Variants in PTPDC1 observed in about 807,000 individuals in gnomAD.
PTPDC1 encodes the protein protein tyrosine phosphatase domain-containing protein 1.
Under a neutral mutation model 75.3 loss-of-function variants are expected in PTPDC1, and 53 were observed. The ratio of observed to expected loss-of-function variants is 0.70; its 90% confidence interval spans 0.56 to 0.88. PTPDC1 has a LOEUF of 0.88. Among genes scored for constraint, PTPDC1 ranks in the 40% least tolerant of loss-of-function variants. PTPDC1 has a pLI of 0.00. For synonymous variants in PTPDC1, 349 were observed against 366.2 expected (o/e 0.95, Z 0.54); for missense variants, 925 against 998.6 (o/e 0.93, Z 0.99).
chr9:94,065,420 A>G (rs1166560791), intron 2 of PTPDC1, among the ~76,000 whole-genome samples: 2 of 152,384 alleles, frequency 1.3e-5, no homozygotes, highest in East Asian at 1.9e-4. Flanking sequence ...TACCACTTGC[A>G]GTATTTTCTA....
chr9:94,078,004 C>T (rs1364912961), intron 2 of PTPDC1, among the ~76,000 whole-genome samples: 1 of 152,216 alleles, frequency 6.6e-6, no homozygotes, highest in African/African-American at 2.4e-5. Context: ...TCCCATTCCA[C>T]TTTCACCCTA....
chr9:94,075,998 T>C (rs1826672254), intron 2 of PTPDC1, among the ~76,000 whole-genome samples: 1 of 130,284 alleles, frequency 7.7e-6, no homozygotes, highest in Non-Finnish European at 1.8e-5. Context: ...GTGTGTTTTG[T>C]TTGTTTGTTT....
intron 1 of PTPDC1, among the ~76,000 whole-genome samples, chr9:94,054,373 G>A (rs1825871609): frequency 6.6e-6 from 1 of 152,144 alleles, no homozygotes; most frequent in Non-Finnish European, 1.5e-5. Flanking sequence ...ACATTCTCAA[G>A]TCATCTTTAC....
intron 1 of PTPDC1, among the ~76,000 whole-genome samples, chr9:94,046,453 G>A (rs1447298740): frequency 1.1e-4 from 17 of 152,086 alleles, no homozygotes; most frequent in Non-Finnish European, 2.2e-4. Context: ...CCATTTTCAC[G>A]ATATTGATTC....
chr9:94,105,778 A>C (rs530297968), intron 8 of PTPDC1, among the ~76,000 whole-genome samples: 9 of 151,318 alleles, frequency 5.9e-5, no homozygotes, highest in East Asian at 3.9e-4. Context: ...ACCATCCTGG[A>C]TAACATGGTG....
At chr9:94,068,600 C>A (rs763193104) in intron 2 of PTPDC1, among the ~76,000 whole-genome samples, 3 of 152,160 alleles carry the variant, frequency 2.0e-5, no homozygotes, top group Non-Finnish European at 4.4e-5. Context: ...TTTCTCCCCT[C>A]ATAGTTAATA....
upstream of PTPDC1, among the ~76,000 whole-genome samples, chr9:94,081,909 A>G (rs1490438845): frequency 1.3e-5 from 2 of 152,254 alleles, no homozygotes; most frequent in East Asian, 1.9e-4. Context: ...CAAGACAAAG[A>G]GAAGCTTTAT....
chr9:94,102,681 G>A (rs1417187828), intron 7 of PTPDC1, among the ~76,000 whole-genome samples: 1 of 152,088 alleles, frequency 6.6e-6, no homozygotes, highest in Non-Finnish European at 1.5e-5. Flanking sequence ...CCGGGTTCAA[G>A]CGATTCTCCT....
At chr9:94,061,978 A>G (rs1158721109) in intron 1 of PTPDC1, among the ~76,000 whole-genome samples, 1 of 152,186 alleles carries the variant, frequency 6.6e-6, no homozygotes, top group Non-Finnish European at 1.5e-5. Flanking sequence ...TTTCTACCAC[A>G]TGGCCAGGCT....
chr9:94,105,213 G>T (rs1827972482), intron 8 of PTPDC1, among the ~76,000 whole-genome samples: 1 of 152,134 alleles, frequency 6.6e-6, no homozygotes, highest in East Asian at 1.9e-4. Context: ...TCCTCATCTG[G>T]ATTCTATGGC....
intron 6 of PTPDC1, chr9:94,100,392 TC>T (rs1418578917): frequency 6.6e-6 from 1 of 152,218 alleles, no homozygotes; most frequent in African/African-American, 2.4e-5. Flanking sequence ...TAAGATTGAA[TC>T]AAGAGCTACT....
upstream of PTPDC1, among the ~76,000 whole-genome samples, chr9:94,080,767 C>T (rs1281764258): frequency 6.6e-6 from 1 of 152,090 alleles, no homozygotes; most frequent in African/African-American, 2.4e-5. Flanking sequence ...TACAACATGT[C>T]GTTTTACTGT....
intron 1 of PTPDC1, among the ~76,000 whole-genome samples, chr9:94,054,083 A>C (rs910881019): frequency 2.6e-5 from 4 of 152,250 alleles, no homozygotes; most frequent in African/African-American, 9.6e-5. Context: ...CAGTTGACAA[A>C]GCAGACAAAA....
intron 1 of PTPDC1, among the ~76,000 whole-genome samples, chr9:94,056,236 GTTA>G (rs770097069): frequency 3.9e-5 from 6 of 152,074 alleles, no homozygotes; most frequent in Admixed American, 6.6e-5. Context: ...ATGTGATTTA[GTTA>G]TTATTATTAT....
At chr9:94,105,594 G>A (rs1363265418) in intron 8 of PTPDC1, among the ~76,000 whole-genome samples, 1 of 151,660 alleles carries the variant, frequency 6.6e-6, no homozygotes, top group African/African-American at 2.4e-5. Context: ...CTTGAACCCG[G>A]GAGGTGGAGG....
chr9:94,036,016 ATTAT>A (rs1366603255), intron 1 of PTPDC1, among the ~76,000 whole-genome samples: 1 of 108,656 alleles, frequency 9.2e-6, no homozygotes, highest in Non-Finnish European at 1.8e-5. Flanking sequence ...TTTTAATCGG[ATTAT>A]TTGTTTTTTT....
chr9:94,106,701 T>A (rs987710916), intron 8 of PTPDC1, among the ~76,000 whole-genome samples: 3 of 152,170 alleles, frequency 2.0e-5, no homozygotes, highest in Non-Finnish European at 4.4e-5. Flanking sequence ...TTTGTCAAAA[T>A]TTATCAGAGA....
At chr9:94,036,657 G>C (rs191923379) in intron 1 of PTPDC1, among the ~76,000 whole-genome samples, 1 of 152,246 alleles carries the variant, frequency 6.6e-6, no homozygotes, top group Non-Finnish European at 1.5e-5. Context: ...GGCTACAAAA[G>C]AATACTTCCT....
chr9:94,102,003 C>T (rs1206370392), intron 7 of PTPDC1, among the ~76,000 whole-genome samples: 1 of 152,154 alleles, frequency 6.6e-6, no homozygotes, highest in African/African-American at 2.4e-5. Flanking sequence ...TTTAAACTTA[C>T]CAATATGTAT....
Sources: gnomAD v4.1 joint callset for allele counts (sites outside exome capture counted in the v4.1 genomes callset) on GRCh38, gnomAD v4.1.1 for gene constraint, MANE v1.5 for transcripts, NCBI Gene and HGNC (gene_info 2026-07-23, HGNC 2026-07-21) for gene names.